Variants in SLC39A11 observed in about 807,000 individuals in gnomAD.
The protein encoded by SLC39A11 is solute carrier family 39 member 11.
Under a neutral mutation model 36.1 loss-of-function variants are expected in SLC39A11, and 33 were observed. The ratio of observed to expected loss-of-function variants is 0.91; its 90% CI spans 0.69 to 1.22. The LOEUF is 1.22. Among genes scored for constraint, SLC39A11 ranks in the 50% most tolerant of loss-of-function variants. The pLI, the probability that SLC39A11 is intolerant of heterozygous loss-of-function variation, is 0.00. For missense variants in SLC39A11, 432 were observed against 430.3 expected, an observed-to-expected ratio of 1.00 and a Z score of -0.03; for synonymous variants, 166 against 170.3, an observed-to-expected ratio of 0.97 and a Z score of 0.20.
intron 5 of SLC39A11, among the ~76,000 whole-genome samples, chr17:72,851,306 T>C (rs566828916): frequency 6.6e-6 from 1 of 152,290 alleles, no homozygotes; most frequent in African/African-American, 2.4e-5. Flanking sequence ...TGGAGCCAAA[T>C]TGTGTGGATT....
intron 4 of SLC39A11, among the ~76,000 whole-genome samples, chr17:72,959,330 T>C (rs1162972989): frequency 4.0e-5 from 2 of 49,978 alleles, no homozygotes; most frequent in Admixed American, 2.3e-4. Context: ...TGTGTGTATA[T>C]ATATATATAT....
intron 5 of SLC39A11, among the ~76,000 whole-genome samples, chr17:72,861,963 T>A (rs1397503658): frequency 1.3e-5 from 2 of 151,418 alleles, no homozygotes; most frequent in African/African-American, 4.9e-5. Flanking sequence ...TTTGTCCATA[T>A]GAAATGAATG....
At chr17:73,043,791 GTCAA>G (rs2059184652) in intron 3 of SLC39A11, among the ~76,000 whole-genome samples, 1 of 152,146 alleles carries the variant, frequency 6.6e-6, no homozygotes, top group Admixed American at 6.5e-5. Flanking sequence ...TATCAAGTCA[GTCAA>G]TCAGAAACCC....
At chr17:73,021,938 G>A (rs1273653194) in intron 4 of SLC39A11, among the ~76,000 whole-genome samples, 5 of 152,182 alleles carry the variant, frequency 3.3e-5, no homozygotes, top group African/African-American at 7.2e-5. Flanking sequence ...GCCAGCCCAC[G>A]CAGTGCGTGT....
At chr17:73,091,292 G>A (rs990079053) in intron 1 of SLC39A11, among the ~76,000 whole-genome samples, 2 of 151,912 alleles carry the variant, frequency 1.3e-5, no homozygotes, top group African/African-American at 2.4e-5. Flanking sequence ...CTTGGGCGTC[G>A]TGGTGTGTGC....
intron 6 of SLC39A11, among the ~76,000 whole-genome samples, chr17:72,742,871 T>C (rs994171978): frequency 1.3e-5 from 2 of 152,232 alleles, no homozygotes; most frequent in Admixed American, 1.3e-4. Flanking sequence ...CAAGTCATCA[T>C]TAGGAGAGAA....
chr17:72,753,237 A>C (rs563188913), intron 6 of SLC39A11, among the ~76,000 whole-genome samples: 3 of 152,062 alleles, frequency 2.0e-5, no homozygotes, highest in Non-Finnish European at 4.4e-5. Context: ...TGGTCTTTTA[A>C]ATCTACAAGG....
chr17:72,983,473 T>G (rs2088486410), intron 4 of SLC39A11, among the ~76,000 whole-genome samples: 1 of 152,316 alleles, frequency 6.6e-6, no homozygotes, highest in East Asian at 1.9e-4. Flanking sequence ...TTTGCTTTTG[T>G]TTTTAAATAA....
intron 5 of SLC39A11, among the ~76,000 whole-genome samples, chr17:72,859,858 C>G: frequency 7.0e-6 from 1 of 142,084 alleles, no homozygotes; most frequent in Admixed American, 7.3e-5. Flanking sequence ...CATGGTGGCA[C>G]ACGCCTATAG....
At chr17:73,001,100 T>A (rs2148393355) in intron 4 of SLC39A11, among the ~76,000 whole-genome samples, 1 of 152,250 alleles carries the variant, frequency 6.6e-6, no homozygotes, top group East Asian at 1.9e-4. Flanking sequence ...ACATTTGAGT[T>A]TCAGCTCTGA....
intron 7 of SLC39A11, among the ~76,000 whole-genome samples, chr17:72,717,679 C>A (rs2073465024): frequency 6.6e-6 from 1 of 152,266 alleles, no homozygotes; most frequent in African/African-American, 2.4e-5. Context: ...TAACTAATTA[C>A]ATCTGCAAAG....
chr17:72,911,698 C>T (rs1262556315), intron 5 of SLC39A11, among the ~76,000 whole-genome samples: 7 of 152,194 alleles, frequency 4.6e-5, no homozygotes, highest in African/African-American at 7.2e-5. Flanking sequence ...GGCTGGAGTA[C>T]AATGGTGTGA....
chr17:72,841,816 C>T (rs2078825706), intron 6 of SLC39A11, among the ~76,000 whole-genome samples: 1 of 151,952 alleles, frequency 6.6e-6, no homozygotes, highest in Non-Finnish European at 1.5e-5. Context: ...AATCCTAGCA[C>T]TTTGGGAGGC....
intron 7 of SLC39A11, among the ~76,000 whole-genome samples, chr17:72,729,457 A>T (rs112657251): frequency 0.5 from 3,552 of 7,090 alleles, 767 homozygotes; most frequent in African/African-American, 0.55. Context: ...ATATATATAT[A>T]TTTTTTTTTT....
intron 3 of SLC39A11, chr17:73,072,459 A>C (rs966628770): frequency 6.6e-6 from 1 of 152,192 alleles, no homozygotes; most frequent in Admixed American, 6.6e-5. Flanking sequence ...GTCAAGACAA[A>C]GGCTGTTACT....
intron 5 of SLC39A11, among the ~76,000 whole-genome samples, chr17:72,851,093 G>T (rs34149198): frequency 1.3e-5 from 2 of 152,074 alleles, no homozygotes; most frequent in Non-Finnish European, 2.9e-5. Flanking sequence ...AAACCATGCA[G>T]CTAGACAGGA....
intron 5 of SLC39A11, among the ~76,000 whole-genome samples, chr17:72,909,147 G>A (rs566355358): frequency 5.9e-5 from 9 of 152,248 alleles, no homozygotes; most frequent in African/African-American, 9.6e-5. Flanking sequence ...TTCTGTCACC[G>A]AGGCTGGAGT....
intron 6 of SLC39A11, among the ~76,000 whole-genome samples, chr17:72,814,099 T>C (rs111569402): frequency 0.013 from 1,922 of 152,298 alleles, 38 homozygotes; most frequent in African/African-American, 0.044. Flanking sequence ...CACATGCGGC[T>C]TTTTACACTT....
chr17:73,007,983 G>A (rs2090277498), intron 4 of SLC39A11, among the ~76,000 whole-genome samples: 3 of 151,810 alleles, frequency 2.0e-5, no homozygotes, highest in South Asian at 2.1e-4. Context: ...TGAGCCTGTA[G>A]TCCCAGCTAC....
Sources: allele counts gnomAD v4.1 joint callset (sites outside exome capture counted in the v4.1 genomes callset), GRCh38; gene constraint gnomAD v4.1.1; transcripts MANE v1.5; gene names NCBI Gene and HGNC (gene_info 2026-07-23, HGNC 2026-07-21).